The following CUBN variants were observed in gnomAD, a reference collection of about 807,000 sequenced individuals.
The protein encoded by CUBN is cubilin, also known as 460 kDa receptor.
Under a neutral mutation model 405.3 loss-of-function variants are expected in CUBN, and 282 were observed. The observed-to-expected ratio is 0.70, with a 90% CI of 0.63 to 0.77. The LOEUF (loss-of-function observed/expected upper bound fraction) is 0.77. CUBN is among the 30% of genes least tolerant of loss of function. CUBN has a pLI of 0.00. For missense variants in CUBN, 4,514 were observed against 4,475.2 expected (o/e 1.01, Z -0.25); for synonymous variants, 1,684 against 1,617.0 (o/e 1.04, Z -0.99).
At chr10:16,866,365 C>A (rs145417954) in intron 59 of CUBN, among the ~76,000 whole-genome samples, 1 of 152,090 alleles carries the variant, frequency 6.6e-6, no homozygotes, top group African/African-American at 2.4e-5. Flanking sequence ...GTTAAAAATA[C>A]GTTTGCAAGT....
At chr10:16,859,575 G>A (rs187871265) in intron 59 of CUBN, among the ~76,000 whole-genome samples, 59 of 152,236 alleles carry the variant, frequency 3.9e-4, no homozygotes, top group Middle Eastern at 6.8e-3. Flanking sequence ...GAATAGCATC[G>A]TAAAGTCCTG....
At chr10:16,872,064 A>AATATAT (rs61318193) in intron 58 of CUBN, among the ~76,000 whole-genome samples, 97 of 150,178 alleles carry the variant, frequency 6.5e-4, no homozygotes, top group African/African-American at 2.3e-3. Flanking sequence ...ATCTCTACTA[A>AATATAT]ATATATATAT....
chr10:16,915,488 C>T (rs183055841), intron 46 of CUBN, among the ~76,000 whole-genome samples: 2 of 152,262 alleles, frequency 1.3e-5, no homozygotes, highest in African/African-American at 4.8e-5. Flanking sequence ...AGGAGACATG[C>T]ATGATCCCTT....
At chr10:17,019,341 C>T (rs140779676) in intron 28 of CUBN, among the ~76,000 whole-genome samples, 3 of 152,256 alleles carry the variant, frequency 2.0e-5, no homozygotes, top group African/African-American at 4.8e-5. Context: ...CTTTGTGCAT[C>T]GCAGCTCAAA....
intron 56 of CUBN, among the ~76,000 whole-genome samples, chr10:16,883,341 A>G (rs923187897): frequency 6.6e-6 from 1 of 152,224 alleles, no homozygotes; most frequent in Middle Eastern, 3.2e-3. Flanking sequence ...GGGATTTCAC[A>G]GAAACTACAC....
At position 16,914,009 on chromosome 10, in the gene CUBN, GC is replaced by G. The variant is rs752660805; in HGVS notation, c.7352-18del. 7 of 1,613,324 alleles carry G rather than the reference GC, an allele frequency of 4.3e-6. No individual in the cohort carries two copies. In the South Asian group the frequency reaches 7.7e-5, roughly 18 times the overall value. On this transcript the variant is annotated intron_variant, in intron 47 of 66. Coordinates refer to ENST00000377833, the MANE Select transcript of CUBN (RefSeq NM_001081.4). ...CACCACACTCTGACGTGGGGAAAAA[GC>G]CAAGAAAACTTTCAATCAAATCAAA... is the stretch of plus-strand genomic sequence containing the variant.
At chr10:17,027,024 T>G (rs906820791) in intron 27 of CUBN, among the ~76,000 whole-genome samples, 3 of 152,252 alleles carry the variant, frequency 2.0e-5, no homozygotes, top group African/African-American at 7.2e-5. Flanking sequence ...GGTGTCACCC[T>G]GAGTTACAGG....
intron 31 of CUBN, among the ~76,000 whole-genome samples, chr10:16,977,554 G>A (rs1014376367): frequency 3.3e-5 from 5 of 152,120 alleles, no homozygotes; most frequent in South Asian, 4.1e-4. Flanking sequence ...ACTGGGAGCT[G>A]TCTCCATCAT....
intron 55 of CUBN, 145 bp from the exon 56 acceptor site, chr10:16,888,711 T>A: frequency 1.4e-6 from 1 of 732,752 alleles, no homozygotes. Context: ...ATGAAGAGAA[T>A]AAAGCTCTGA....
At chr10:16,831,848 G>A (rs1315826560) in intron 64 of CUBN, among the ~76,000 whole-genome samples, 1 of 152,076 alleles carries the variant, frequency 6.6e-6, no homozygotes, top group Non-Finnish European at 1.5e-5. Context: ...GTGTGTTTGT[G>A]TATGTGTGTG....
intron 31 of CUBN, among the ~76,000 whole-genome samples, chr10:16,955,195 AC>A (rs71862680): frequency 0.25 from 37,935 of 151,068 alleles, 5,510 homozygotes; most frequent in Non-Finnish European, 0.33. Context: ...ACATGGCGAG[AC>A]CCCCGTCTCT....
At chr10:16,983,021 A>T (rs1366873048) in intron 30 of CUBN, among the ~76,000 whole-genome samples, 1 of 152,156 alleles carries the variant, frequency 6.6e-6, no homozygotes, top group Non-Finnish European at 1.5e-5. Context: ...AATTGTGATA[A>T]TCTAGTAGTG....
At chr10:17,052,553 C>G (rs898705578) in intron 22 of CUBN, among the ~76,000 whole-genome samples, 2 of 150,634 alleles carry the variant, frequency 1.3e-5, no homozygotes, top group Admixed American at 1.3e-4. Flanking sequence ...GGTCAGGAGT[C>G]CGAGACCAGC....
chr10:17,043,727 G>A (rs553836403), intron 26 of CUBN, 100 bp downstream of exon 26: 9 of 1,519,786 alleles, frequency 5.9e-6, no homozygotes, highest in Admixed American at 1.7e-5. Context: ...ACTGAACAGC[G>A]AGTATACATA....
At chr10:16,995,192 A>G (rs759825826) in intron 28 of CUBN, among the ~76,000 whole-genome samples, 2 of 152,230 alleles carry the variant, frequency 1.3e-5, no homozygotes, top group Non-Finnish European at 2.9e-5. Flanking sequence ...TCACTTTGGT[A>G]AGAGAAAGTT....
chr10:17,063,220 G>A (rs1262874533), intron 22 of CUBN, among the ~76,000 whole-genome samples: 1 of 152,202 alleles, frequency 6.6e-6, no homozygotes, highest in Non-Finnish European at 1.5e-5. Context: ...AACAGAAGGT[G>A]TGTTGTGTCT....
In CUBN at chr10:17,100,233, G is replaced by C. The variant is rs747316861; in HGVS notation, c.1537C>G (p.Arg513Gly). Residue 513 changes from arginine (R) to glycine (G), a missense_variant, in exon 14 of 67, where the codon CGT becomes GGT. Physicochemically the swap from Arg to Gly is moderately radical, Grantham distance 125. This residue lies in a region of CUBN where 1,448 missense variants were observed against 1,388.0 expected (regional missense o/e 1.04). Coordinates refer to ENST00000377833, the MANE Select transcript of CUBN (RefSeq NM_001081.4). Reference sequence around the variant, plus strand: ...AACCGGAAAAAAGTGAAAGTGATACGCAGGACCTAAAAATACAAAGGCCAC... The same window carrying C: ...AACCGGAAAAAAGTGAAAGTGATACCCAGGACCTAAAAATACAAAGGCCAC... Reference protein sequence around the residue: ...VIKTEMGKVLRITFTFFRLES... With the variant: ...VIKTEMGKVLGITFTFFRLES... 1 of 1,601,546 alleles carries C rather than the reference G, an allele frequency of 6.2e-7. No homozygotes were observed. The highest frequency in any genetic ancestry group is 1.1e-5 in the South Asian group (1 of 90,804).
intron 10 of CUBN, among the ~76,000 whole-genome samples, chr10:17,106,622 A>G (rs1836638088): frequency 6.7e-6 from 1 of 149,412 alleles, no homozygotes; most frequent in Non-Finnish European, 1.5e-5. Context: ...AAAGCCCTAT[A>G]TAGGTACTCT....
At chr10:17,103,292 G>T in intron 12 of CUBN, 55 bp from the exon 13 acceptor site, 1 of 1,087,732 alleles carries the variant, frequency 9.2e-7, no homozygotes, top group Non-Finnish European at 1.4e-6. Context: ...GGAAGAGGTT[G>T]GGCAACTGTA....
Sources: gnomAD v4.1 joint callset for allele counts (sites outside exome capture counted in the v4.1 genomes callset) on GRCh38, gnomAD v4.1.1 for gene constraint, gnomAD v4.1.1 regional missense constraint, MANE v1.5 for transcripts, NCBI Gene and HGNC (gene_info 2026-07-23, HGNC 2026-07-21) for gene names.